RIT1: variants seen among roughly 807,000 people sequenced by gnomAD.
The protein encoded by RIT1 is GTP-binding protein Rit1.
RIT1 carries 6 observed loss-of-function variants against 25.6 expected under a neutral mutation model. The observed-to-expected ratio is 0.23, with a 90% CI of 0.13 to 0.46. The LOEUF (loss-of-function observed/expected upper bound fraction) is 0.46, where lower values mean the gene tolerates loss of function less well. Among genes scored for constraint, RIT1 ranks in the 20% least tolerant of loss-of-function variants. The pLI, the probability that RIT1 is intolerant of heterozygous loss-of-function variation, is 0.99. For synonymous variants in RIT1, 81 were observed against 94.1 expected, an observed-to-expected ratio of 0.86 and a Z score of 0.80; for missense variants, 219 against 284.4, an observed-to-expected ratio of 0.77 and a Z score of 1.65.
At chr1:155,911,147 T>A in intron 1 of RIT1, 96 bp downstream of exon 1, 1 of 546,442 alleles carries the variant, frequency 1.8e-6, no homozygotes, top group Non-Finnish European at 3.2e-6. Context: ...CTCTCACGTC[T>A]GCGGTACCCA....
rs1372660086 is a variant in RIT1, at chr1:155,910,823, A to T, written c.-43-19T>A. On this transcript the variant is annotated intron_variant, in intron 1 of 5. Coordinates refer to ENST00000368323, the MANE Select transcript of RIT1 (RefSeq NM_006912.6). ...AAGCCACCTAGAAAAGGAGGAGGAA[A>T]TGCTTAATCCAGGATGGAGACACCA... 1.2e-6 allele frequency: 2 copies of T among 1,613,680 alleles called. No homozygotes were observed. The highest frequency in any genetic ancestry group is 4.5e-5 in the East Asian group (2 of 44,864).
intron 3 of RIT1, among the ~76,000 whole-genome samples, chr1:155,907,429 G>A (rs1673468488): frequency 6.6e-6 from 1 of 152,090 alleles, no homozygotes; most frequent in African/African-American, 2.4e-5. Context: ...TTTCAGTAGA[G>A]ATGGGGTTTT....
chr1:155,909,907 G>A (rs1386666087), intron 3 of RIT1, among the ~76,000 whole-genome samples: 1 of 137,764 alleles, frequency 7.3e-6, no homozygotes, highest in African/African-American at 2.7e-5. Flanking sequence ...GGGAGACAGT[G>A]CGAGACTCCA....
At position 155,910,663 on chromosome 1, in the gene RIT1, C is replaced by T. The variant is rs199914900; in HGVS notation, c.99G>A (p.Gly33=). ...KLVMLGAGGV[G]KSAMTMQFIS... Reference sequence around the variant, plus strand: ...ATGGAAAATGTTACCTACCACTCTTCCCTACACCACCAGCACCCAGCATCA... The same window carrying T: ...ATGGAAAATGTTACCTACCACTCTTTCCTACACCACCAGCACCCAGCATCA... The change falls in exon 2 of 6, where the codon GGG becomes GGA. Residue 33 remains glycine, a synonymous_variant. Coordinates refer to ENST00000368323, the MANE Select transcript of RIT1 (RefSeq NM_006912.6). 8 of 1,614,100 alleles carry T rather than the reference C, an allele frequency of 5.0e-6. No individual in the cohort carries two copies. The East Asian group carries it at 1.8e-4, about 36-fold the overall frequency.
chr1:155,904,523 T>G, intron 4 of RIT1, 21 bp from the exon 5 acceptor site: 2 of 1,599,526 alleles, frequency 1.3e-6, no homozygotes, highest in Non-Finnish European at 8.6e-7. Flanking sequence ...ACAAGGGTCA[T>G]TATGTATTGA....
chr1:155,911,199 C>T (rs1673593412), intron 1 of RIT1, 44 bp downstream of exon 1: 2 of 454,614 alleles, frequency 4.4e-6, no homozygotes, highest in Non-Finnish European at 7.9e-6. Context: ...ACCCCCTCCC[C>T]ACCCCCAGCT....
At chr1:155,904,663 T>A in intron 4 of RIT1, 68 bp downstream of exon 4, 1 of 1,288,856 alleles carries the variant, frequency 7.8e-7, no homozygotes, top group Non-Finnish European at 1.1e-6. Context: ...ATCTTCTCTG[T>A]GTAGGCCTTC....
At chr1:155,910,990 G>A (rs1673586248) in intron 1 of RIT1, 186 bp from the exon 2 acceptor site, 1 of 1,345,714 alleles carries the variant, frequency 7.4e-7, no homozygotes, top group Non-Finnish European at 1.0e-6. Flanking sequence ...CTCCCTCCTA[G>A]ACAGTTCAGT....
chr1:155,901,553 G>A (rs369849953), intron 5 of RIT1, among the ~76,000 whole-genome samples: 4 of 152,060 alleles, frequency 2.6e-5, no homozygotes, highest in African/African-American at 7.2e-5. Context: ...CAGGAGAATC[G>A]CTTAAACCTG....
In RIT1 at chr1:155,904,624, C is replaced by T. The variant is rs750076057; in HGVS notation, c.237+107G>A. 6 of 1,201,080 alleles carry T rather than the reference C, an allele frequency of 5.0e-6. No homozygotes were observed. In the East Asian group the frequency reaches 1.4e-4, roughly 29 times the overall value. 74.4% of individuals were successfully genotyped at this position (1,201,080 alleles called of 1,614,324 possible). A position where few individuals can be genotyped will look rare whatever the true frequency, so the allele number is the denominator to read the frequency against. ...TTACCTGCTATCCTGAGTCAGAGTG[C>T]ATGAAAAATTAAGAGAGATAAACTA... On this transcript the variant is annotated intron_variant, in intron 4 of 5. Transcript: ENST00000368323.
intron 5 of RIT1, among the ~76,000 whole-genome samples, chr1:155,903,452 C>CAAAAAAAAAAAAAAAAAA (rs1192641376): frequency 1.9e-5 from 1 of 53,728 alleles, no homozygotes; most frequent in Non-Finnish European, 3.5e-5. Context: ...GACTCTGTCT[C>CAAAAAAAAAAAAAAAAAA]AAAAAAAAAA....
intron 5 of RIT1, among the ~76,000 whole-genome samples, chr1:155,902,561 G>A (rs1349203081): frequency 6.6e-6 from 1 of 151,170 alleles, no homozygotes; most frequent in Non-Finnish European, 1.5e-5. Context: ...ACAAAAAAAC[G>A]CTGGGTGTGG....
chr1:155,903,452 CAAAAAAAAAAAA>C (rs1192641376), intron 5 of RIT1, among the ~76,000 whole-genome samples: 1 of 53,730 alleles, frequency 1.9e-5, no homozygotes. Flanking sequence ...GACTCTGTCT[CAAAAAAAAAAAA>C]AAAAAAAAAA....
intron 3 of RIT1, 142 bp downstream of exon 3, chr1:155,910,308 C>T: frequency 1.5e-6 from 1 of 674,880 alleles, no homozygotes; most frequent in Non-Finnish European, 2.5e-6. Flanking sequence ...AGTTGCTTAC[C>T]AACTGCTGAT....
chr1:155,910,347 G>A (rs372665801), intron 3 of RIT1, 103 bp downstream of exon 3: 21 of 957,488 alleles, frequency 2.2e-5, no homozygotes, highest in East Asian at 2.0e-4. Context: ...ATCTGAATTA[G>A]ACTCCAAAAA....
intron 5 of RIT1, 26 bp downstream of exon 5, chr1:155,904,285 G>A (rs770107359): frequency 1.1e-5 from 16 of 1,495,306 alleles, no homozygotes; most frequent in Non-Finnish European, 1.5e-5. Flanking sequence ...TAAGATTATA[G>A]ACAGTATTTT....
Position 155,910,512 on chromosome 1 carries a change from AAAG to A in RIT1, c.107-9_107-7del. Reference sequence around the variant, plus strand: ...GATGAACTGCATGGTCATGGCTTCAAAAGAAGAAATAAAAGTCAAATCCTCACA... The same window carrying A: ...GATGAACTGCATGGTCATGGCTTCAAAAGAAATAAAAGTCAAATCCTCACA... On this transcript the variant is annotated splice_polypyrimidine_tract_variant and splice_region_variant and intron_variant, in intron 2 of 5. Coordinates refer to ENST00000368323, the MANE Select transcript of RIT1 (RefSeq NM_006912.6). 6.2e-7 allele frequency: 1 copy of A among 1,614,146 alleles called. No homozygotes were observed. Among genetic ancestry groups the A allele is most frequent in the Non-Finnish European group, 8.5e-7 (1 of 1,179,974 alleles).
In RIT1 at chr1:155,899,835, T is replaced by C. The variant is rs752657782; in HGVS notation, c.*553A>G. On this transcript the variant is annotated 3_prime_UTR_variant, in exon 6 of 6. Transcript: ENST00000368323. The stretch of plus-strand genomic sequence containing the variant: ...ACCTTTTTAAGTCCCTGCAAACATA[T>C]AGCCCAACTTTCCCAAATCTCACCA... 2.3e-5 allele frequency: 5 copies of C among 215,076 alleles called. No homozygotes were observed. Among genetic ancestry groups the C allele is most frequent in the African/African-American group, 9.1e-5 (4 of 44,182 alleles). The allele number at this position is 215,076 out of a possible 1,614,324, so 13.3% of individuals were successfully genotyped here. A position where few individuals can be genotyped will look rare whatever the true frequency, so the allele number is the denominator to read the frequency against.
chr1:155,904,560 A>C, intron 4 of RIT1, 58 bp from the exon 5 acceptor site: 1 of 1,461,788 alleles, frequency 6.8e-7, no homozygotes, highest in Non-Finnish European at 9.5e-7. Context: ...TACACACACA[A>C]TTAGCTATTT....
Sources: gnomAD v4.1 joint callset for allele counts (sites outside exome capture counted in the v4.1 genomes callset) on GRCh38, gnomAD v4.1.1 for gene constraint, MANE v1.5 for transcripts, NCBI Gene and HGNC (gene_info 2026-07-23, HGNC 2026-07-21) for gene names.